KCNQ5: variants seen among roughly 807,000 people sequenced by gnomAD.
The protein encoded by KCNQ5 is potassium voltage-gated channel subfamily Q member 5.
KCNQ5 carries 30 observed loss-of-function variants against 98.2 expected under a neutral mutation model. The observed-to-expected ratio is 0.31, with a 90% CI of 0.23 to 0.41. The LOEUF is 0.41. Among genes scored for constraint, KCNQ5 ranks in the 10% least tolerant of loss-of-function variants. KCNQ5 has a pLI of 1.00. For missense variants in KCNQ5, 835 were observed against 1,182.5 expected, an observed-to-expected ratio of 0.71 and a Z score of 4.31; for synonymous variants, 458 against 449.4, an observed-to-expected ratio of 1.02 and a Z score of -0.24.
intron 2 of KCNQ5, among the ~76,000 whole-genome samples, chr6:73,036,771 T>TG (rs1771453301): frequency 6.6e-6 from 1 of 152,182 alleles, no homozygotes; most frequent in African/African-American, 2.4e-5. Context: ...GGGCTGTTTT[T>TG]GGGGTCTGGT....
At chr6:73,112,679 G>A (rs577631825) in intron 7 of KCNQ5, among the ~76,000 whole-genome samples, 1 of 152,228 alleles carries the variant, frequency 6.6e-6, no homozygotes, top group Non-Finnish European at 1.5e-5. Flanking sequence ...TTGTAGGTTT[G>A]GGTGGGTGGG....
At chr6:72,880,306 C>T (rs550016280) in intron 1 of KCNQ5, among the ~76,000 whole-genome samples, 1 of 152,306 alleles carries the variant, frequency 6.6e-6, no homozygotes, top group East Asian at 1.9e-4. Context: ...CTGGCAAACG[C>T]CTGCTTTCTG....
intron 1 of KCNQ5, among the ~76,000 whole-genome samples, chr6:72,732,914 G>A (rs372260774): frequency 6.6e-6 from 1 of 152,164 alleles, no homozygotes. Flanking sequence ...GGAAAATGGG[G>A]GAAAGAAAGG....
At chr6:73,114,829 TAGA>T (rs1470149554) in intron 7 of KCNQ5, among the ~76,000 whole-genome samples, 1 of 152,174 alleles carries the variant, frequency 6.6e-6, no homozygotes, top group African/African-American at 2.4e-5. Flanking sequence ...AGGGATAGAT[TAGA>T]AGATGTTGCT....
At chr6:73,089,413 C>G (rs751388333) in intron 5 of KCNQ5, among the ~76,000 whole-genome samples, 4 of 151,902 alleles carry the variant, frequency 2.6e-5, no homozygotes, top group Non-Finnish European at 4.4e-5. Flanking sequence ...TGTCCCCCAG[C>G]GATTATTTTT....
intron 5 of KCNQ5, among the ~76,000 whole-genome samples, chr6:73,087,229 A>G (rs775714250): frequency 6.6e-6 from 1 of 152,230 alleles, no homozygotes; most frequent in Non-Finnish European, 1.5e-5. Context: ...TGGTGGCAGC[A>G]AAGACAGAGA....
At chr6:72,861,666 T>G (rs544583195) in intron 1 of KCNQ5, among the ~76,000 whole-genome samples, 1 of 152,262 alleles carries the variant, frequency 6.6e-6, no homozygotes, top group Admixed American at 6.5e-5. Context: ...GCCTCTCACT[T>G]GAGCTTCATG....
intron 1 of KCNQ5, among the ~76,000 whole-genome samples, chr6:72,972,522 T>C (rs1241850817): frequency 6.7e-6 from 1 of 150,056 alleles, no homozygotes; most frequent in Non-Finnish European, 1.5e-5. Flanking sequence ...AGCCCTGGTG[T>C]GTGCTGTTCC....
Position 73,155,303 on chromosome 6 carries a change from T to A in KCNQ5, c.1469-14443T>A, listed in dbSNP as rs184949368. Among the ~76,000 whole-genome samples, 24 of 152,392 alleles carry A rather than the reference T, an allele frequency of 1.6e-4. 1 individual carries two copies. Among genetic ancestry groups the A allele is most frequent in the Admixed American group, 1.1e-3 (17 of 15,312 alleles). On this transcript the variant is annotated intron_variant, in intron 10 of 13. Coordinates refer to ENST00000370398, the MANE Select transcript of KCNQ5 (RefSeq NM_019842.4). ...ATGGTGTGTTCTAATTATTCTGATG[T>A]TCTCCACATTGTGAGTGTCCCTTGC...
intron 9 of KCNQ5, chr6:73,125,526 T>C (rs759547104): frequency 1.9e-6 from 1 of 515,948 alleles, no homozygotes; most frequent in Admixed American, 2.0e-5. Context: ...CCAGAGTTGG[T>C]CCCTAAGTGG....
chr6:73,094,956 G>A (rs1488062211), intron 5 of KCNQ5, among the ~76,000 whole-genome samples: 1 of 152,066 alleles, frequency 6.6e-6, no homozygotes, highest in Non-Finnish European at 1.5e-5. Flanking sequence ...TCTTGTATTT[G>A]GATGTCTAGG....
At chr6:72,960,245 C>T (rs1020219834) in intron 1 of KCNQ5, among the ~76,000 whole-genome samples, 1 of 152,110 alleles carries the variant, frequency 6.6e-6, no homozygotes, top group African/African-American at 2.4e-5. Context: ...TATCAATAAG[C>T]AACTAATTAA....
At chr6:72,867,645 C>T (rs1935517) in intron 1 of KCNQ5, among the ~76,000 whole-genome samples, 144,414 of 152,254 alleles carry the variant, frequency 0.95, 68,788 homozygotes, top group Non-Finnish European at 1. Flanking sequence ...TTCCAAATAA[C>T]TGGAGATTCT....
intron 1 of KCNQ5, among the ~76,000 whole-genome samples, chr6:72,733,179 G>A (rs1299337021): frequency 2.0e-5 from 3 of 152,110 alleles, no homozygotes; most frequent in Non-Finnish European, 2.9e-5. Context: ...CGGTGAGTAG[G>A]GTAGGGTGAA....
At chr6:72,844,483 ATAG>A (rs913450622) in intron 1 of KCNQ5, among the ~76,000 whole-genome samples, 3 of 152,236 alleles carry the variant, frequency 2.0e-5, no homozygotes, top group African/African-American at 7.2e-5. Context: ...ACAGTATAAA[ATAG>A]TAGAATTACT....
At chr6:73,082,574 C>T (rs761950569) in intron 5 of KCNQ5, among the ~76,000 whole-genome samples, 1 of 152,200 alleles carries the variant, frequency 6.6e-6, no homozygotes. Context: ...TCTCTATTCT[C>T]CTGCTTCTCA....
At chr6:72,674,045 TA>T (rs1430595179) in intron 1 of KCNQ5, among the ~76,000 whole-genome samples, 1 of 151,916 alleles carries the variant, frequency 6.6e-6, no homozygotes, top group Non-Finnish European at 1.5e-5. Context: ...TGTTATATTA[TA>T]ATAAAAAATT....
At chr6:72,914,495 C>G (rs1199641314) in intron 1 of KCNQ5, among the ~76,000 whole-genome samples, 1 of 149,360 alleles carries the variant, frequency 6.7e-6, no homozygotes, top group African/African-American at 2.5e-5. Context: ...TGAACTCAAC[C>G]TCTTCAGTGC....
intron 11 of KCNQ5, among the ~76,000 whole-genome samples, chr6:73,190,081 GAA>G (rs10707439): frequency 2.0e-5 from 3 of 149,810 alleles, no homozygotes; most frequent in Non-Finnish European, 3.0e-5. Flanking sequence ...TAATTTATGG[GAA>G]AAAAAAAACA....
Sources: gnomAD v4.1 joint callset for allele counts (sites outside exome capture counted in the v4.1 genomes callset) on GRCh38, gnomAD v4.1.1 for gene constraint, MANE v1.5 for transcripts, NCBI Gene and HGNC (gene_info 2026-07-23, HGNC 2026-07-21) for gene names.